DDHD1: variants seen among roughly 807,000 people sequenced by gnomAD.
The protein encoded by DDHD1 is DDHD domain containing 1, also known as phospholipase DDHD1.
Under a neutral mutation model 96.4 loss-of-function variants are expected in DDHD1, and 49 were observed. The observed-to-expected ratio is 0.51, with a 90% CI of 0.40 to 0.64. The LOEUF is 0.64. DDHD1 is among the 30% of genes least tolerant of loss of function. The pLI is 0.00. For missense variants in DDHD1, 1,106 were observed against 1,161.2 expected, an observed-to-expected ratio of 0.95 and a Z score of 0.69; for synonymous variants, 442 against 446.5, an observed-to-expected ratio of 0.99 and a Z score of 0.13.
intron 9 of DDHD1, 70 bp downstream of exon 9, chr14:53,058,407 G>A (rs1261178202): frequency 6.6e-7 from 1 of 1,518,356 alleles, no homozygotes; most frequent in Non-Finnish European, 8.9e-7. Context: ...GAGCCACTGT[G>A]CCCAGCTGAT....
chr14:53,068,243 C>CTTTTTT (rs55662153), intron 6 of DDHD1, among the ~76,000 whole-genome samples: 4,840 of 104,264 alleles, frequency 0.046, 425 homozygotes, highest in South Asian at 0.071. Flanking sequence ...CTTTATGATA[C>CTTTTTT]TTTTTTTTTT....
intron 1 of DDHD1, among the ~76,000 whole-genome samples, chr14:53,127,795 G>A (rs1889562357): frequency 6.6e-6 from 1 of 152,186 alleles, no homozygotes; most frequent in Admixed American, 6.5e-5. Flanking sequence ...TTAGTAAAAG[G>A]TAGGTCTTTT....
intron 1 of DDHD1, among the ~76,000 whole-genome samples, chr14:53,108,584 T>C (rs1038994574): frequency 2.6e-5 from 4 of 152,176 alleles, no homozygotes; most frequent in Non-Finnish European, 5.9e-5. Flanking sequence ...ACAAAAACAA[T>C]TTAAAATTGC....
intron 1 of DDHD1, among the ~76,000 whole-genome samples, chr14:53,109,194 C>T (rs760234543): frequency 6.6e-6 from 1 of 152,130 alleles, no homozygotes; most frequent in Admixed American, 6.5e-5. Context: ...GCTGCCATGC[C>T]TCCAAGAGGT....
intron 1 of DDHD1, among the ~76,000 whole-genome samples, chr14:53,139,517 C>G (rs1383054112): frequency 1.3e-5 from 2 of 151,970 alleles, no homozygotes; most frequent in African/African-American, 4.8e-5. Flanking sequence ...AATAATGAAA[C>G]CCAAACACAG....
chr14:53,101,592 T>C (rs1887300523), intron 2 of DDHD1, among the ~76,000 whole-genome samples: 1 of 152,006 alleles, frequency 6.6e-6, no homozygotes, highest in African/African-American at 2.4e-5. Context: ...TGTATATCCA[T>C]AAAGATAACA....
chr14:53,142,295 G>C (rs1890690933), intron 1 of DDHD1, among the ~76,000 whole-genome samples: 1 of 152,184 alleles, frequency 6.6e-6, no homozygotes, highest in South Asian at 2.1e-4. Context: ...AGAGATTCAA[G>C]ATTATTTTAT....
chr14:53,096,155 C>G (rs1163389911), intron 2 of DDHD1: 3 of 985,100 alleles, frequency 3.0e-6, no homozygotes, highest in Admixed American at 6.2e-5. Context: ...CGCATCTGTA[C>G]TCTCCTTATA....
chr14:53,139,789 AATTAT>A (rs1390096192), intron 1 of DDHD1, among the ~76,000 whole-genome samples: 7 of 152,026 alleles, frequency 4.6e-5, no homozygotes, highest in African/African-American at 1.7e-4. Flanking sequence ...CTTTAAATTA[AATTAT>A]AAGACATACA....
intron 1 of DDHD1, among the ~76,000 whole-genome samples, chr14:53,148,506 TTTCACCATGTTGGC>T (rs1453462418): frequency 5.6e-4 from 85 of 151,482 alleles, no homozygotes; most frequent in African/African-American, 2.0e-3. Context: ...AGAGACAGGG[TTTCACCATGTTGGC>T]CAGGCTGGTC....
chr14:53,102,283 C>G (rs191162573), intron 2 of DDHD1, among the ~76,000 whole-genome samples: 167 of 152,106 alleles, frequency 1.1e-3, no homozygotes, highest in Admixed American at 3.1e-3. Context: ...ATAAAACTTG[C>G]TATTTTTACT....
At chr14:53,080,717 C>CTTCCTTTTTTTT (rs781757807) in intron 4 of DDHD1, among the ~76,000 whole-genome samples, 3 of 89,538 alleles carry the variant, frequency 3.4e-5, no homozygotes, top group African/African-American at 1.0e-4. Context: ...TTCCTTCCCC[C>CTTCCTTTTTTTT]TTTTTTTTTT....
At position 53,152,763 on chromosome 14, in the gene DDHD1, G is replaced by GCCGCCT. The variant is rs1566616175; in HGVS notation, c.335_336insAGGCGG (p.Gly111_Gly112dup). 2 of 1,445,296 alleles carry GCCGCCT rather than the reference G, an allele frequency of 1.4e-6. No homozygotes were observed. The highest frequency in any genetic ancestry group is 1.8e-6 in the Non-Finnish European group (2 of 1,095,764). 89.5% of individuals were successfully genotyped at this position (1,445,296 alleles called of 1,614,324 possible). On this transcript the variant is annotated inframe_insertion, in exon 1 of 13. Coordinates refer to ENST00000673822, the MANE Select transcript of DDHD1 (RefSeq NM_001160148.2). Reference sequence around the variant, plus strand: ...GCGGCGGGTGCAGCGACAAGGAGCTGCCGCCGCCGCCGCTCTCACCCTCGC... The same window carrying GCCGCCT: ...GCGGCGGGTGCAGCGACAAGGAGCTGCCGCCTCCGCCGCCGCCGCTCTCACCCTCGC...
rs188075503 is a variant in DDHD1, at chr14:53,093,679, T to C, written c.1013-235A>G. ...CAGGGAATGGCAACTTTTTAAACCA[T>C]TGAGTTACTTAACTATCATAATTTT... On this transcript the variant is annotated intron_variant, in intron 2 of 12. Coordinates refer to ENST00000673822, the MANE Select transcript of DDHD1 (RefSeq NM_001160148.2). 21 of 437,628 alleles carry C rather than the reference T, an allele frequency of 4.8e-5. No individual in the cohort carries two copies. In the East Asian group the frequency reaches 8.7e-4, roughly 18 times the overall value. 27.1% of individuals were successfully genotyped at this position (437,628 alleles called of 1,614,324 possible). A position where few individuals can be genotyped will look rare whatever the true frequency, so the allele number is the denominator to read the frequency against.
intron 4 of DDHD1, among the ~76,000 whole-genome samples, chr14:53,081,825 A>G (rs1885493728): frequency 6.6e-6 from 1 of 152,134 alleles, no homozygotes; most frequent in African/African-American, 2.4e-5. Flanking sequence ...ATGTCTACTG[A>G]ATCATTTGGA....
At position 53,041,713 on chromosome 14, in the gene DDHD1, G is replaced by A. The variant is rs914210439; in HGVS notation, c.*5055C>T. 1 of 151,642 alleles carries A rather than the reference G, an allele frequency of 6.6e-6. No homozygotes were observed. Among genetic ancestry groups the A allele is most frequent in the Non-Finnish European group, 1.5e-5 (1 of 67,928 alleles). 9.4% of individuals were successfully genotyped at this position (151,642 alleles called of 1,614,324 possible). ...TTGTATTTCTTCTTCTTTTTCCTGGGTATTTTGAATCTGAGGCATAAACGG... is the reference window on the plus strand; with the variant it reads ...TTGTATTTCTTCTTCTTTTTCCTGGATATTTTGAATCTGAGGCATAAACGG... On this transcript the variant is annotated 3_prime_UTR_variant, in exon 13 of 13. Coordinates refer to ENST00000673822, the MANE Select transcript of DDHD1 (RefSeq NM_001160148.2).
chr14:53,050,566 T>C (rs886277598), intron 12 of DDHD1, among the ~76,000 whole-genome samples: 1 of 152,152 alleles, frequency 6.6e-6, no homozygotes, highest in Admixed American at 6.5e-5. Context: ...TAATTACTTA[T>C]GCAGTTATCT....
At chr14:53,134,349 G>T (rs1242255972) in intron 1 of DDHD1, among the ~76,000 whole-genome samples, 1 of 152,096 alleles carries the variant, frequency 6.6e-6, no homozygotes. Context: ...GGAGTGAACA[G>T]ATGATCTTTG....
intron 1 of DDHD1, among the ~76,000 whole-genome samples, chr14:53,113,006 C>T (rs1299272131): frequency 1.3e-5 from 2 of 152,264 alleles, no homozygotes; most frequent in South Asian, 2.1e-4. Context: ...GTCATCCAGG[C>T]TGGAGTGCAG....
Sources: gnomAD v4.1 joint callset for allele counts (sites outside exome capture counted in the v4.1 genomes callset) on GRCh38, gnomAD v4.1.1 for gene constraint, MANE v1.5 for transcripts, NCBI Gene and HGNC (gene_info 2026-07-23, HGNC 2026-07-21) for gene names.